The following TRIM42 variants were observed in gnomAD, a reference collection of about 807,000 sequenced individuals.
The protein encoded by TRIM42 is tripartite motif-containing protein 42.
TRIM42 carries 59 observed loss-of-function variants against 64.9 expected under a neutral mutation model. The observed-to-expected ratio is 0.91, with a 90% CI of 0.74 to 1.13. The LOEUF is 1.13. Ranked by LOEUF, TRIM42 falls within the 50% of genes most tolerant of loss-of-function variation. The pLI, the probability that TRIM42 is intolerant of heterozygous loss-of-function variation, is 0.00. For missense variants in TRIM42, 878 were observed against 929.5 expected (o/e 0.94, Z 0.72); for synonymous variants, 354 against 346.3 (o/e 1.02, Z -0.25).
At chr3:140,695,495 C>CA (rs1395079241) in intron 4 of TRIM42, among the ~76,000 whole-genome samples, 1 of 152,130 alleles carries the variant, frequency 6.6e-6, no homozygotes, top group African/African-American at 2.4e-5. Flanking sequence ...GGAAATGCAG[C>CA]AACCCCTGTC....
At chr3:140,698,621 CCAAAT>C (rs150996097) in intron 4 of TRIM42, among the ~76,000 whole-genome samples, 5,334 of 152,122 alleles carry the variant, frequency 0.035, 300 homozygotes, top group African/African-American at 0.12. Context: ...AATAAATAAA[CCAAAT>C]AGTTTACAGA....
At position 140,678,440 on chromosome 3, in the gene TRIM42, G is replaced by T; in HGVS notation, c.211G>T (p.Ala71Ser). The change falls in exon 1 of 5, where the codon GCC becomes TCC. Residue 71 changes from alanine to serine, a missense_variant. Coordinates refer to ENST00000286349, the MANE Select transcript of TRIM42 (RefSeq NM_152616.5). The part of the protein sequence containing the change: ...PNCHWCCCSW[A>S]NDPNCKCCCT... ...CTGCCATTGGTGTTGCTGCTCTTGG[G>T]CCAATGATCCCAACTGTAAGTGCTG... is the stretch of plus-strand genomic sequence containing the variant. The T allele has an allele frequency of 1.9e-6, 3 of 1,614,132 alleles. No homozygotes were observed. The highest frequency in any genetic ancestry group is 2.5e-6 in the Non-Finnish European group (3 of 1,180,030).
intron 1 of TRIM42, among the ~76,000 whole-genome samples, chr3:140,681,347 G>T (rs185441463): frequency 6.6e-6 from 1 of 152,338 alleles, no homozygotes; most frequent in Admixed American, 6.5e-5. Flanking sequence ...TGTACCAGCA[G>T]TTAAGCACTT....
intron 4 of TRIM42, among the ~76,000 whole-genome samples, chr3:140,695,626 T>C (rs573445244): frequency 2.6e-5 from 4 of 152,244 alleles, no homozygotes; most frequent in Non-Finnish European, 4.4e-5. Flanking sequence ...TGTCTTCCTA[T>C]TCGGCCTGTG....
chr3:140,682,527 C>T lies in TRIM42; in HGVS notation c.407C>T (p.Ala136Val). ...GTGGATGAAGTAAAGTCAATACCAG[C>T]CAACAGTCACCTGGTGAACCACCTC... ...TQVDEVKSIP[A>V]NSHLVNHLNC... Residue 136 changes from alanine (A) to valine (V), a missense_variant, in exon 2 of 5, where the codon GCC (alanine) becomes GTC (valine). Physicochemically the swap from Ala to Val is moderately conservative, Grantham distance 64. Transcript: ENST00000286349. The T allele has an allele frequency of 1.9e-6, 3 of 1,614,222 alleles. No individual in the cohort carries two copies.
In TRIM42 at chr3:140,683,024, T is replaced by G; in HGVS notation, c.904T>G (p.Cys302Gly). 6.2e-7 allele frequency: 1 copy of G among 1,614,230 alleles called. No individual in the cohort carries two copies. Among genetic ancestry groups the G allele is most frequent in the East Asian group, 2.2e-5 (1 of 44,886 alleles). The part of the protein sequence containing the change: ...HHPSSRIIEY[C>G]RNDNKLLCTF... Reference sequence around the variant, plus strand: ...CCCATCCAGCCGCATCATCGAGTACTGCCGCAATGACAACAAATTGCTCTG... The same window carrying G: ...CCCATCCAGCCGCATCATCGAGTACGGCCGCAATGACAACAAATTGCTCTG... The change falls in exon 2 of 5, where the codon TGC becomes GGC. Residue 302 changes from cysteine (C) to glycine (G), a missense_variant. Cys to Gly is a radical substitution (Grantham distance 159). Transcript: ENST00000286349.
chr3:140,686,857 C>CA (rs144279163), intron 2 of TRIM42, among the ~76,000 whole-genome samples: 4,969 of 152,278 alleles, frequency 0.033, 254 homozygotes, highest in African/African-American at 0.11. Flanking sequence ...ATATAAAGCT[C>CA]ATTTCACAGA....
At chr3:140,694,911 C>T (rs1388246925) in intron 4 of TRIM42, among the ~76,000 whole-genome samples, 1 of 152,110 alleles carries the variant, frequency 6.6e-6, no homozygotes, top group Non-Finnish European at 1.5e-5. Context: ...CTTGTGACTG[C>T]TTTGAGCCCA....
chr3:140,692,031 G>A (rs1988728417), intron 4 of TRIM42, among the ~76,000 whole-genome samples: 1 of 151,778 alleles, frequency 6.6e-6, no homozygotes, highest in Non-Finnish European at 1.5e-5. Flanking sequence ...TTATGACAAA[G>A]ATACAGGAAG....
intron 4 of TRIM42, among the ~76,000 whole-genome samples, chr3:140,700,103 T>A (rs1449244259): frequency 1.3e-5 from 2 of 151,958 alleles, no homozygotes; most frequent in Admixed American, 1.3e-4. Flanking sequence ...CCATAAATAT[T>A]TATTTGGGGG....
intron 4 of TRIM42, among the ~76,000 whole-genome samples, chr3:140,692,545 A>ACG (rs1988746242): frequency 7.4e-6 from 1 of 134,770 alleles, no homozygotes; most frequent in African/African-American, 2.6e-5. Flanking sequence ...ACACACACAC[A>ACG]CACACACACA....
Position 140,687,997 on chromosome 3 carries a change from C to G in TRIM42, c.1315C>G (p.Gln439Glu), listed in dbSNP as rs779653052. The G allele has an allele frequency of 3.5e-5, 57 of 1,614,030 alleles. 1 individual carries two copies. The South Asian group carries it at 6.1e-4, about 17-fold the overall frequency. Residue 439 changes from glutamine (Q) to glutamate (E), a missense_variant, in exon 3 of 5, where the codon CAG (glutamine) becomes GAG (glutamate). Transcript: ENST00000286349. ...YSKEALKETG[Q>E]VAFLQSAKIL... Reference sequence around the variant, plus strand: ...CAAGGAAGCCCTGAAGGAGACTGGCCAGGTGGCATTCCTGCAGTCAGCCAA... The same window carrying G: ...CAAGGAAGCCCTGAAGGAGACTGGCGAGGTGGCATTCCTGCAGTCAGCCAA...
intron 2 of TRIM42, 77 bp downstream of exon 2, chr3:140,683,236 T>A: frequency 6.9e-7 from 1 of 1,449,242 alleles, no homozygotes; most frequent in East Asian, 2.3e-5. Flanking sequence ...GGTAATCTGT[T>A]AAGTGAGTGC....
Position 140,688,360 on chromosome 3 carries a change from C to T in TRIM42, c.1678C>T (p.Gln560Ter), listed in dbSNP as rs766767369. Residue 560 changes from glutamine (Q) to a stop codon, truncating the protein, a stop_gained, in exon 3 of 5, where the codon CAG becomes TAG. Coordinates refer to ENST00000286349, the MANE Select transcript of TRIM42 (RefSeq NM_152616.5). LOFTEE classifies it high-confidence loss of function. ...GGGTCTGGAGGCCTGTGGGAGAGCC[C>T]AGTCAGCCACCCCCGCCAAACCCAC... ...KVGLEACGRA[Q>*]SATPAKPTDG... 1.9e-6 allele frequency: 3 copies of T among 1,614,146 alleles called. No homozygotes were observed. In the Admixed American group the frequency reaches 5.0e-5, roughly 27 times the overall value.
At chr3:140,678,654 G>T in intron 1 of TRIM42, 84 bp downstream of exon 1, 2 of 1,127,262 alleles carry the variant, frequency 1.8e-6, no homozygotes, top group Non-Finnish European at 1.2e-6. Flanking sequence ...TACAGGGCAG[G>T]CCAGTGAGCC....
Position 140,701,022 on chromosome 3 carries a change from TATACACACAC to T in TRIM42, c.*52_*61del. On this transcript the variant is annotated 3_prime_UTR_variant, in exon 5 of 5. Transcript: ENST00000286349. ...CCTCAGACTCATCACAAAGTAGACA[TATACACACAC>T]ATATATGTATGTATATTTTTCTCAC... 6.6e-7 allele frequency: 1 copy of T among 1,514,596 alleles called. No homozygotes were observed. The highest frequency in any genetic ancestry group is 9.1e-7 in the Non-Finnish European group (1 of 1,093,550). 93.8% of individuals were successfully genotyped at this position (1,514,596 alleles called of 1,614,324 possible).
At chr3:140,692,066 T>C (rs80134942) in intron 4 of TRIM42, among the ~76,000 whole-genome samples, 6 of 152,274 alleles carry the variant, frequency 3.9e-5, no homozygotes, top group African/African-American at 1.4e-4. Flanking sequence ...TTCTAGGATA[T>C]GCATCTGATC....
At chr3:140,694,055 T>C (rs1285839465) in intron 4 of TRIM42, among the ~76,000 whole-genome samples, 5 of 152,158 alleles carry the variant, frequency 3.3e-5, no homozygotes, top group Admixed American at 2.6e-4. Context: ...GACACCTTGG[T>C]CTGTATCCAA....
chr3:140,696,686 T>C (rs1285254282), intron 4 of TRIM42, among the ~76,000 whole-genome samples: 1 of 152,232 alleles, frequency 6.6e-6, no homozygotes, highest in Non-Finnish European at 1.5e-5. Flanking sequence ...GGTTTACAGA[T>C]GGTCACCTTC....
Sources: gnomAD v4.1 joint callset for allele counts (sites outside exome capture counted in the v4.1 genomes callset) on GRCh38, gnomAD v4.1.1 for gene constraint, MANE v1.5 for transcripts, NCBI Gene and HGNC (gene_info 2026-07-23, HGNC 2026-07-21) for gene names.